ROBO2: variants seen among roughly 807,000 people sequenced by gnomAD.
The protein encoded by ROBO2 is roundabout homolog 2.
Under a neutral mutation model 160.8 loss-of-function variants are expected in ROBO2, and 53 were observed. The observed-to-expected ratio is 0.33, with a 90% CI of 0.26 to 0.41. The LOEUF (loss-of-function observed/expected upper bound fraction) is 0.41, where lower values mean the gene tolerates loss of function less well. Ranked by LOEUF, ROBO2 falls within the 10% of genes least tolerant of loss-of-function variation. The pLI, the probability that ROBO2 is intolerant of heterozygous loss-of-function variation, is 1.00. For synonymous variants in ROBO2, 664 were observed against 611.7 expected (o/e 1.09, Z -1.26); for missense variants, 1,577 against 1,722.4 (o/e 0.92, Z 1.49).
chr3:76,985,232 A>G (rs2060307279), intron 2 of ROBO2, among the ~76,000 whole-genome samples: 1 of 152,156 alleles, frequency 6.6e-6, no homozygotes. Context: ...TATATGTTAT[A>G]CTGAATAACT....
chr3:76,035,513 T>C (rs1317519067), intron 2 of ROBO2, among the ~76,000 whole-genome samples: 2 of 151,916 alleles, frequency 1.3e-5, no homozygotes, highest in Admixed American at 6.6e-5. Flanking sequence ...TTCTCCAGGG[T>C]AGATTTTCTC....
At chr3:76,588,918 A>G (rs1159355574) in intron 2 of ROBO2, among the ~76,000 whole-genome samples, 2 of 152,230 alleles carry the variant, frequency 1.3e-5, no homozygotes, top group Non-Finnish European at 2.9e-5. Flanking sequence ...TGAAACTGAC[A>G]GATGTTGGAG....
intron 2 of ROBO2, among the ~76,000 whole-genome samples, chr3:77,191,572 G>A: frequency 1.0e-5 from 1 of 99,274 alleles, no homozygotes; most frequent in East Asian, 2.3e-4. Flanking sequence ...AAGGCACTTG[G>A]AGTTTTTTAA....
At chr3:76,345,346 A>G (rs539587060) in intron 2 of ROBO2, among the ~76,000 whole-genome samples, 135 of 152,046 alleles carry the variant, frequency 8.9e-4, no homozygotes, top group African/African-American at 3.1e-3. Context: ...AGACTTTTCA[A>G]AATAGGTGAG....
At chr3:77,575,155 C>T (rs2093729540) in intron 14 of ROBO2, among the ~76,000 whole-genome samples, 1 of 151,982 alleles carries the variant, frequency 6.6e-6, no homozygotes, top group African/African-American at 2.4e-5. Context: ...GCCAGTCAAA[C>T]CCATGATTTC....
At chr3:77,460,797 T>C (rs1269836875) in intron 2 of ROBO2, among the ~76,000 whole-genome samples, 6 of 152,132 alleles carry the variant, frequency 3.9e-5, no homozygotes, top group Non-Finnish European at 8.8e-5. Flanking sequence ...GAGAGAAACA[T>C]GGAGTTATTA....
At chr3:77,020,299 G>A (rs1337215775) in intron 2 of ROBO2, among the ~76,000 whole-genome samples, 1 of 152,118 alleles carries the variant, frequency 6.6e-6, no homozygotes, top group Non-Finnish European at 1.5e-5. Context: ...ATATTTGGAA[G>A]GAGAGAACTT....
chr3:76,302,144 T>C, intron 2 of ROBO2, among the ~76,000 whole-genome samples: 1 of 152,094 alleles, frequency 6.6e-6, no homozygotes, highest in East Asian at 1.9e-4. Context: ...TACTGATATA[T>C]GGCTATATGA....
chr3:76,855,941 T>C (rs1391476526), intron 2 of ROBO2, among the ~76,000 whole-genome samples: 1 of 152,232 alleles, frequency 6.6e-6, no homozygotes, highest in Non-Finnish European at 1.5e-5. Context: ...ATTGCATAAT[T>C]TGTAAAAAGT....
chr3:77,349,488 T>A (rs1188512034), intron 2 of ROBO2, among the ~76,000 whole-genome samples: 2 of 152,156 alleles, frequency 1.3e-5, no homozygotes. Context: ...AGTCACACTA[T>A]GAAATCGACG....
At chr3:77,633,967 C>T (rs949430378) in intron 23 of ROBO2, 1 of 151,932 alleles carries the variant, frequency 6.6e-6, no homozygotes, top group African/African-American at 2.4e-5. Context: ...ATCACGTCGT[C>T]GTAAGAAAAT....
At chr3:76,347,338 T>C (rs1336893086) in intron 2 of ROBO2, among the ~76,000 whole-genome samples, 1 of 152,142 alleles carries the variant, frequency 6.6e-6, no homozygotes, top group Admixed American at 6.6e-5. Context: ...AACAGAATTA[T>C]TGATTTTATT....
chr3:76,347,749 G>A (rs1451156445), intron 2 of ROBO2, among the ~76,000 whole-genome samples: 1 of 151,902 alleles, frequency 6.6e-6, no homozygotes, highest in Non-Finnish European at 1.5e-5. Context: ...CAGAGAAATG[G>A]GTCTTTGATT....
chr3:76,942,300 G>T (rs1044493094), intron 2 of ROBO2, among the ~76,000 whole-genome samples: 1 of 152,102 alleles, frequency 6.6e-6, no homozygotes, highest in Non-Finnish European at 1.5e-5. Flanking sequence ...GTTTTCATTT[G>T]CAAAGCACAC....
chr3:76,423,787 A>G (rs779387169), intron 2 of ROBO2, among the ~76,000 whole-genome samples: 23 of 152,204 alleles, frequency 1.5e-4, no homozygotes, highest in Non-Finnish European at 3.1e-4. Context: ...ATAGTCATCC[A>G]TGGGGATTTT....
intron 2 of ROBO2, among the ~76,000 whole-genome samples, chr3:76,074,459 A>G (rs1439666001): frequency 4.6e-5 from 7 of 152,222 alleles, no homozygotes; most frequent in African/African-American, 1.7e-4. Context: ...TGGCCCGATT[A>G]ATTGGTAATG....
intron 2 of ROBO2, among the ~76,000 whole-genome samples, chr3:76,301,659 A>T (rs1709363185): frequency 6.6e-6 from 1 of 152,086 alleles, no homozygotes; most frequent in Non-Finnish European, 1.5e-5. Context: ...CCTGTTATCC[A>T]TCTATCTGTC....
At chr3:76,962,638 CAGAAA>C (rs1192388505) in intron 2 of ROBO2, among the ~76,000 whole-genome samples, 1 of 50,288 alleles carries the variant, frequency 2.0e-5, no homozygotes, top group African/African-American at 1.1e-4. Context: ...AACTCGATCT[CAGAAA>C]AAAAAAAAAA....
intron 2 of ROBO2, among the ~76,000 whole-genome samples, chr3:76,966,354 T>C (rs1022996772): frequency 1.3e-5 from 2 of 152,238 alleles, no homozygotes; most frequent in African/African-American, 2.4e-5. Context: ...GAGATTTACC[T>C]GTTATTTCAT....
Sources: gnomAD v4.1 joint callset for allele counts (sites outside exome capture counted in the v4.1 genomes callset) on GRCh38, gnomAD v4.1.1 for gene constraint, MANE v1.5 for transcripts, NCBI Gene and HGNC (gene_info 2026-07-23, HGNC 2026-07-21) for gene names.